Variants in CSMD1 observed in about 807,000 individuals in gnomAD.
CSMD1 encodes the protein CUB and Sushi multiple domains 1, also known as CUB and sushi domain-containing protein 1.
CSMD1 carries 213 observed loss-of-function variants against 417.5 expected under a neutral mutation model. That is an observed-to-expected ratio of 0.51 (90% CI 0.46 to 0.57). The LOEUF (loss-of-function observed/expected upper bound fraction) is 0.57, where lower values mean the gene tolerates loss of function less well. Among genes scored for constraint, CSMD1 ranks in the 20% least tolerant of loss-of-function variants. The probability of loss-of-function intolerance (pLI) is 0.00; values close to 1 mark genes in which losing one functional copy is unlikely to be tolerated. For synonymous variants in CSMD1, 2,862 were observed against 1,736.8 expected, an observed-to-expected ratio of 1.65 and a Z score of -16.11; for missense variants, 6,923 against 4,529.7, an observed-to-expected ratio of 1.53 and a Z score of -15.17.
chr8:3,655,870 T>A (rs1053261363), intron 7 of CSMD1, among the ~76,000 whole-genome samples: 1 of 152,054 alleles, frequency 6.6e-6, no homozygotes, highest in Non-Finnish European at 1.5e-5. Flanking sequence ...GACTTCATCT[T>A]TGGAAAGAAT....
At chr8:3,450,746 G>A (rs1815652178) in intron 12 of CSMD1, among the ~76,000 whole-genome samples, 1 of 151,930 alleles carries the variant, frequency 6.6e-6, no homozygotes, top group Non-Finnish European at 1.5e-5. Context: ...CCAAGTCTTT[G>A]CTATTGTGAA....
At chr8:3,055,255 T>G (rs944220750) in intron 49 of CSMD1, among the ~76,000 whole-genome samples, 2 of 152,202 alleles carry the variant, frequency 1.3e-5, no homozygotes, top group Admixed American at 6.5e-5. Context: ...GGATGCTTAT[T>G]TGAGAAGTGA....
intron 4 of CSMD1, among the ~76,000 whole-genome samples, chr8:4,014,527 C>T (rs1289753635): frequency 6.6e-6 from 1 of 152,178 alleles, no homozygotes; most frequent in African/African-American, 2.4e-5. Flanking sequence ...TCAAGGACTA[C>T]TATGCGATCC....
At chr8:3,663,516 C>A (rs2623623) in intron 7 of CSMD1, among the ~76,000 whole-genome samples, 23,706 of 152,020 alleles carry the variant, frequency 0.16, 2,364 homozygotes, top group African/African-American at 0.28. Context: ...CACTGAGCTA[C>A]AGGGAAAAGT....
chr8:4,551,836 A>C (rs998220639), intron 2 of CSMD1, among the ~76,000 whole-genome samples: 1 of 150,064 alleles, frequency 6.7e-6, no homozygotes, highest in Admixed American at 6.7e-5. Flanking sequence ...ATGCCACTAC[A>C]CATGGCTAAT....
chr8:4,608,197 T>C (rs575495861), intron 2 of CSMD1, among the ~76,000 whole-genome samples: 2 of 152,296 alleles, frequency 1.3e-5, no homozygotes, highest in South Asian at 4.1e-4. Flanking sequence ...GTTTGACTTC[T>C]ACTCCAAAGG....
At chr8:4,665,613 T>C (rs1209407130) in intron 1 of CSMD1, among the ~76,000 whole-genome samples, 2 of 152,152 alleles carry the variant, frequency 1.3e-5, no homozygotes, top group Non-Finnish European at 2.9e-5. Flanking sequence ...TCATACAGTG[T>C]GCATGCAGCC....
chr8:3,032,141 A>C (rs1457454225), intron 50 of CSMD1, among the ~76,000 whole-genome samples: 1 of 151,990 alleles, frequency 6.6e-6, no homozygotes, highest in African/African-American at 2.4e-5. Flanking sequence ...ATTAATATTA[A>C]AGTCCATCTT....
At chr8:4,058,854 C>T (rs138724276) in intron 3 of CSMD1, among the ~76,000 whole-genome samples, 4,086 of 151,506 alleles carry the variant, frequency 0.027, 178 homozygotes, top group African/African-American at 0.094. Flanking sequence ...GAGACTTTAA[C>T]ACACCACTGT....
intron 10 of CSMD1, among the ~76,000 whole-genome samples, chr8:3,517,386 C>T (rs1797326133): frequency 6.6e-6 from 1 of 152,156 alleles, no homozygotes; most frequent in Non-Finnish European, 1.5e-5. Context: ...TTTAAGGAAG[C>T]TGATAAACAA....
At chr8:4,679,626 T>C (rs1173843100) in intron 1 of CSMD1, among the ~76,000 whole-genome samples, 1 of 152,156 alleles carries the variant, frequency 6.6e-6, no homozygotes, top group Non-Finnish European at 1.5e-5. Context: ...TGATAATGTA[T>C]CTACAAAAGA....
intron 3 of CSMD1, among the ~76,000 whole-genome samples, chr8:4,302,541 G>T (rs181404347): frequency 1.3e-5 from 2 of 152,086 alleles, no homozygotes; most frequent in Non-Finnish European, 2.9e-5. Context: ...TTAAGAGACC[G>T]TCTTGAAAGT....
Position 4,456,999 on chromosome 8 carries a change from AC to A in CSMD1, c.303-36935del, listed in dbSNP as rs1359643588. ...TGGTTTTTTTTTAAAAAAAAAAAAAACAACAAGAAAAGAAAATCAATGTTAA... is the reference window on the plus strand; with the variant it reads ...TGGTTTTTTTTTAAAAAAAAAAAAAAAACAAGAAAAGAAAATCAATGTTAA... On this transcript the variant is annotated intron_variant, in intron 2 of 69. Coordinates refer to ENST00000635120, the MANE Select transcript of CSMD1 (RefSeq NM_033225.6). 6.4e-3 allele frequency among the ~76,000 whole-genome samples: 965 copies of A among 150,968 alleles called. 31 individuals carry two copies. Among genetic ancestry groups the A allele is most frequent in the Admixed American group, 0.055 (822 of 15,040 alleles).
intron 3 of CSMD1, among the ~76,000 whole-genome samples, chr8:4,041,012 TTTTCC>T (rs1314489403): frequency 2.5e-4 from 31 of 123,220 alleles, no homozygotes; most frequent in African/African-American, 8.2e-4. Context: ...TTCTTTTTTT[TTTTCC>T]TTTTTTTTTT....
At chr8:4,492,538 G>T (rs181859507) in intron 2 of CSMD1, among the ~76,000 whole-genome samples, 10 of 152,256 alleles carry the variant, frequency 6.6e-5, no homozygotes, top group African/African-American at 2.4e-4. Flanking sequence ...TTTCTCACAT[G>T]ATTTGCTCTA....
At chr8:4,933,071 C>T (rs55771384) in intron 1 of CSMD1, among the ~76,000 whole-genome samples, 9,292 of 147,902 alleles carry the variant, frequency 0.063, 391 homozygotes, top group Non-Finnish European at 0.082. Flanking sequence ...ATCAATAGCA[C>T]TTTCTTTTGC....
At chr8:3,815,336 T>C (rs1172797752) in intron 5 of CSMD1, among the ~76,000 whole-genome samples, 4 of 152,128 alleles carry the variant, frequency 2.6e-5, no homozygotes, top group Admixed American at 6.5e-5. Flanking sequence ...AAATCATGCA[T>C]TTTCGGAACA....
At chr8:3,171,142 TAAAC>T (rs780452748) in intron 37 of CSMD1, among the ~76,000 whole-genome samples, 4 of 152,146 alleles carry the variant, frequency 2.6e-5, no homozygotes, top group African/African-American at 7.2e-5. Flanking sequence ...AAATGAGAAA[TAAAC>T]AAGTGCCCCA....
chr8:4,299,033 G>C lies in CSMD1; in HGVS notation c.415+120920C>G, dbSNP rs575264655. Reference sequence around the variant, plus strand: ...TTGCCATTTAAAAAGCAGAATAAAAGAACTGTAGGAAATAAATATTCTCCT... The same window carrying C: ...TTGCCATTTAAAAAGCAGAATAAAACAACTGTAGGAAATAAATATTCTCCT... On this transcript the variant is annotated intron_variant, in intron 3 of 69. Transcript: ENST00000635120. Among the ~76,000 whole-genome samples the C allele has an allele frequency of 2.5e-3, 384 of 152,020 alleles. 2 individuals carry two copies. Among genetic ancestry groups the C allele is most frequent in the African/African-American group, 8.9e-3 (368 of 41,494 alleles).
Sources: allele counts gnomAD v4.1 joint callset (sites outside exome capture counted in the v4.1 genomes callset), GRCh38; gene constraint gnomAD v4.1.1; transcripts MANE v1.5; gene names NCBI Gene and HGNC (gene_info 2026-07-23, HGNC 2026-07-21).